Variants in NPHP4 observed in about 807,000 individuals in gnomAD.
NPHP4 encodes the protein nephrocystin-4.
Under a neutral mutation model 155.8 loss-of-function variants are expected in NPHP4, and 151 were observed. The ratio of observed to expected loss-of-function variants is 0.97; its 90% confidence interval spans 0.85 to 1.11. The LOEUF (loss-of-function observed/expected upper bound fraction) is 1.11, where lower values mean the gene tolerates loss of function less well. Among genes scored for constraint, NPHP4 ranks in the 50% least tolerant of loss-of-function variants. The pLI, the probability that NPHP4 is intolerant of heterozygous loss-of-function variation, is 0.00. For synonymous variants in NPHP4, 845 were observed against 816.8 expected (o/e 1.03, Z -0.59); for missense variants, 1,956 against 1,925.7 (o/e 1.02, Z -0.29).
At chr1:5,884,439 G>A (rs375371653) in intron 18 of NPHP4, among the ~76,000 whole-genome samples, 2 of 150,734 alleles carry the variant, frequency 1.3e-5, no homozygotes, top group Non-Finnish European at 3.0e-5. Flanking sequence ...CCGAACCCCC[G>A]TCCTACTCGA....
At chr1:5,877,391 A>G in intron 19 of NPHP4, 93 bp from the exon 20 acceptor site, 1 of 1,009,566 alleles carries the variant, frequency 9.9e-7, no homozygotes, top group Non-Finnish European at 1.4e-6. Flanking sequence ...CCACCTATAT[A>G]GGGAGGGAGC....
Position 5,871,299 on chromosome 1 carries a change from C to G in NPHP4, c.3315+1953G>C, listed in dbSNP as rs757418274. ...TTAACTTGAAAAGGATGGCGGTGGC[C>G]TGAGAGAGGGCAGTTCCAGCGTCTA... On this transcript the variant is annotated intron_variant, in intron 23 of 29. Coordinates refer to ENST00000378156, the MANE Select transcript of NPHP4 (RefSeq NM_015102.5). Among the ~76,000 whole-genome samples, 9 of 152,234 alleles carry G rather than the reference C, an allele frequency of 5.9e-5. 1 individual carries two copies. Among genetic ancestry groups the G allele is most frequent in the Admixed American group, 3.3e-4 (5 of 15,296 alleles).
At chr1:5,877,884 C>A (rs1292734446) in intron 19 of NPHP4, among the ~76,000 whole-genome samples, 27 of 152,236 alleles carry the variant, frequency 1.8e-4, no homozygotes, top group Admixed American at 1.8e-3. Flanking sequence ...ACTCATTTAG[C>A]AAACCAACAG....
rs115414031 is a variant in NPHP4, at chr1:5,945,122, C to T, written c.1119+1982G>A. On this transcript the variant is annotated intron_variant, in intron 9 of 29. Transcript: ENST00000378156. ...GCTAAGACATCTTGGTTTCAGCATACAGATGTCATAATCACAAGTAAATTA... is the reference window on the plus strand; with the variant it reads ...GCTAAGACATCTTGGTTTCAGCATATAGATGTCATAATCACAAGTAAATTA... 3.1e-3 allele frequency among the ~76,000 whole-genome samples: 468 copies of T among 152,334 alleles called. 1 individual carries two copies. Among genetic ancestry groups the T allele is most frequent in the African/African-American group, 0.011 (442 of 41,568 alleles).
chr1:5,871,365 C>T (rs1340249807), intron 23 of NPHP4, among the ~76,000 whole-genome samples: 2 of 152,176 alleles, frequency 1.3e-5, no homozygotes, highest in African/African-American at 4.8e-5. Flanking sequence ...AAATATAACG[C>T]CTCGGTGTCC....
At chr1:5,897,170 CA>C (rs1202502806) in intron 16 of NPHP4, among the ~76,000 whole-genome samples, 1 of 151,984 alleles carries the variant, frequency 6.6e-6, no homozygotes, top group Non-Finnish European at 1.5e-5. Flanking sequence ...CAGAGCAGAC[CA>C]AATGATAGAA....
intron 19 of NPHP4, chr1:5,879,205 C>A (rs1227419904): frequency 8.3e-6 from 2 of 241,198 alleles, no homozygotes; most frequent in Non-Finnish European, 1.6e-5. Flanking sequence ...AGCTCCAAGG[C>A]CCAGCAACAC....
At position 5,864,050 on chromosome 1, in the gene NPHP4, C is replaced by G. The variant is rs375105445; in HGVS notation, c.3997-17G>C. ...CTCAAAGGCCTGTGGAGGGAGGGGA[C>G]AGGGAGACGCTGCGGCCACTCACGG... is the stretch of plus-strand genomic sequence containing the variant. On this transcript the variant is annotated splice_polypyrimidine_tract_variant and intron_variant, in intron 28 of 29. Coordinates refer to ENST00000378156, the MANE Select transcript of NPHP4 (RefSeq NM_015102.5). The G allele has an allele frequency of 5.0e-6, 8 of 1,611,396 alleles. No homozygotes were observed. The highest frequency in any genetic ancestry group is 1.1e-5 in the South Asian group (1 of 90,642).
intron 7 of NPHP4, among the ~76,000 whole-genome samples, chr1:5,949,536 T>C (rs1157208441): frequency 6.6e-6 from 1 of 151,426 alleles, no homozygotes; most frequent in Non-Finnish European, 1.5e-5. Context: ...AGACCGACAA[T>C]AACAGATAAG....
At chr1:5,949,878 C>T (rs1315016324) in intron 7 of NPHP4, among the ~76,000 whole-genome samples, 1 of 152,080 alleles carries the variant, frequency 6.6e-6, no homozygotes, top group Non-Finnish European at 1.5e-5. Flanking sequence ...CAGGAGGCAG[C>T]ACATAGTGAG....
intron 3 of NPHP4, among the ~76,000 whole-genome samples, chr1:5,972,233 G>T (rs1045040050): frequency 3.3e-5 from 5 of 152,228 alleles, no homozygotes; most frequent in Non-Finnish European, 5.9e-5. Context: ...CCTTTAACAG[G>T]ATATCTTCAG....
chr1:5,914,305 G>T (rs955682195), intron 11 of NPHP4, among the ~76,000 whole-genome samples: 19 of 144,402 alleles, frequency 1.3e-4, no homozygotes, highest in African/African-American at 4.1e-4. Context: ...GTGGTGGCAT[G>T]CACCTGTGGT....
chr1:5,901,689 G>A (rs981377361), intron 16 of NPHP4, among the ~76,000 whole-genome samples: 17 of 152,164 alleles, frequency 1.1e-4, no homozygotes, highest in Non-Finnish European at 2.4e-4. Flanking sequence ...ATTTAACTTC[G>A]TTGCAGAGCC....
chr1:5,950,681 G>A (rs1647810281), intron 7 of NPHP4, among the ~76,000 whole-genome samples: 1 of 152,144 alleles, frequency 6.6e-6, no homozygotes, highest in Non-Finnish European at 1.5e-5. Flanking sequence ...CCACAGGAGA[G>A]GCCACAGGAG....
At chr1:5,912,756 C>T (rs1160561124) in intron 11 of NPHP4, among the ~76,000 whole-genome samples, 1 of 152,062 alleles carries the variant, frequency 6.6e-6, no homozygotes, top group Non-Finnish European at 1.5e-5. Context: ...AGTAGTAACA[C>T]AGTCAGCACA....
Position 5,867,795 on chromosome 1 carries a change from C to T in NPHP4, c.3417G>A (p.Pro1139=), listed in dbSNP as rs371527260. ...VVDQVFRFYH[P]ELSFLKKAIR... ...TGGCCTTCTTCAGGAAGGAGAGCTC[C>T]GGGTGATAGAAGCGGAAGACCTGGT... The change falls in exon 24 of 30, where the codon CCG becomes CCA. Residue 1139 remains proline (P), a synonymous_variant. Transcript: ENST00000378156. The surrounding 1 kb of genome is among the most constrained non-coding windows in gnomAD (Gnocchi z 4.1). 59 of 1,612,724 alleles carry T rather than the reference C, an allele frequency of 3.7e-5. No individual in the cohort carries two copies. The highest frequency in any genetic ancestry group is 6.6e-5 in the South Asian group (6 of 91,082).
Position 5,890,073 on chromosome 1 carries a change from G to C in NPHP4, c.2304+795C>G, listed in dbSNP as rs1644040120. Among the ~76,000 whole-genome samples the C allele has an allele frequency of 6.6e-6, 1 of 152,144 alleles. No individual in the cohort carries two copies. Among genetic ancestry groups the C allele is most frequent in the Non-Finnish European group, 1.5e-5 (1 of 68,026 alleles). On this transcript the variant is annotated intron_variant, in intron 17 of 29. Coordinates refer to ENST00000378156, the MANE Select transcript of NPHP4 (RefSeq NM_015102.5). This position sits in a 1 kb window ranked among gnomAD's most constrained non-coding sequence, Gnocchi z 4.9. ...GAGCAGAGGAGCCGTGCTTCTCAGGGGTCAGCAGCTGCTGGAGAGGACAGG... is the reference window on the plus strand; with the variant it reads ...GAGCAGAGGAGCCGTGCTTCTCAGGCGTCAGCAGCTGCTGGAGAGGACAGG...
At chr1:5,983,552 T>C (rs1452352208) in intron 2 of NPHP4, among the ~76,000 whole-genome samples, 2 of 152,204 alleles carry the variant, frequency 1.3e-5, no homozygotes, top group Non-Finnish European at 2.9e-5. Flanking sequence ...CTTGGAAGCT[T>C]GTACCCTCTT....
chr1:5,983,580 T>C (rs1655035811), intron 2 of NPHP4, among the ~76,000 whole-genome samples: 1 of 152,164 alleles, frequency 6.6e-6, no homozygotes, highest in Non-Finnish European at 1.5e-5. Context: ...ACATCCCCCA[T>C]ATGCCTCCTC....
Sources: gnomAD v4.1 joint callset for allele counts (sites outside exome capture counted in the v4.1 genomes callset) on GRCh38, gnomAD v4.1.1 for gene constraint, Gnocchi (gnomAD v3.1) non-coding constraint, MANE v1.5 for transcripts, NCBI Gene and HGNC (gene_info 2026-07-23, HGNC 2026-07-21) for gene names.